PDCD6IP: variants seen among roughly 807,000 people sequenced by gnomAD.
The protein encoded by PDCD6IP is programmed cell death 6 interacting protein.
PDCD6IP carries 43 observed loss-of-function variants against 103.7 expected under a neutral mutation model. That is an observed-to-expected ratio of 0.41 (90% confidence interval 0.32 to 0.53). The LOEUF (loss-of-function observed/expected upper bound fraction) is 0.53, where lower values mean the gene tolerates loss of function less well. Among genes scored for constraint, PDCD6IP ranks in the 20% least tolerant of loss-of-function variants. PDCD6IP has a pLI of 0.16. For missense variants in PDCD6IP, 871 were observed against 1,036.7 expected (o/e 0.84, Z 2.20); for synonymous variants, 354 against 378.7 (o/e 0.93, Z 0.76).
rs1698084838 is a variant in PDCD6IP, at chr3:33,867,180, T to C, written c.*655T>C. On this transcript the variant is annotated 3_prime_UTR_variant, in exon 18 of 18. Coordinates refer to ENST00000307296, the MANE Select transcript of PDCD6IP (RefSeq NM_013374.6). ...AAATCAAAAGAATATTATCATACTT[T>C]ATCTTTCGTATGCTGATTAGTAAAC... 1 of 152,214 alleles carries C rather than the reference T, an allele frequency of 6.6e-6. No homozygotes were observed. Among genetic ancestry groups the C allele is most frequent in the Admixed American group, 6.5e-5 (1 of 15,280 alleles). The allele number at this position is 152,214 out of a possible 1,614,324, so 9.4% of individuals were successfully genotyped here.
intron 1 of PDCD6IP, among the ~76,000 whole-genome samples, chr3:33,809,649 T>G (rs146613132): frequency 1.3e-5 from 2 of 152,370 alleles, no homozygotes; most frequent in East Asian, 3.9e-4. Flanking sequence ...TACCATTTAA[T>G]CTGTAGAATT....
intron 12 of PDCD6IP, among the ~76,000 whole-genome samples, chr3:33,847,337 A>C (rs1437770505): frequency 6.6e-6 from 1 of 152,204 alleles, no homozygotes; most frequent in East Asian, 1.9e-4. Context: ...ATTAATCCTT[A>C]CTTGTGTTAC....
Position 33,852,456 on chromosome 3 carries a change from TGCAGTTAAACTAAGG to T in PDCD6IP, c.1642-31_1642-17del. ...AATTGGCTTTTTTTTTTTTTTTTTT[TGCAGTTAAACTAAGG>T]TGTCTTTTTTGTTTAGGTTGTAAAT... is the stretch of plus-strand genomic sequence containing the variant. On this transcript the variant is annotated splice_polypyrimidine_tract_variant and intron_variant, in intron 12 of 17. Coordinates refer to ENST00000307296, the MANE Select transcript of PDCD6IP (RefSeq NM_013374.6). The T allele has an allele frequency of 7.6e-7, 1 of 1,316,212 alleles. No homozygotes were observed. Among genetic ancestry groups the T allele is most frequent in the Non-Finnish European group, 9.9e-7 (1 of 1,014,668 alleles). 81.5% of individuals were successfully genotyped at this position (1,316,212 alleles called of 1,614,324 possible).
intron 3 of PDCD6IP, among the ~76,000 whole-genome samples, chr3:33,821,119 G>A (rs1227772396): frequency 6.6e-6 from 1 of 151,808 alleles, no homozygotes; most frequent in Non-Finnish European, 1.5e-5. Flanking sequence ...TGGTCCTCCC[G>A]CCTCCGAGTA....
At chr3:33,811,762 CTTAT>C (rs1011590073) in intron 1 of PDCD6IP, among the ~76,000 whole-genome samples, 1 of 152,152 alleles carries the variant, frequency 6.6e-6, no homozygotes, top group Admixed American at 6.5e-5. Context: ...TGGATACAAA[CTTAT>C]TTATTTTAGT....
chr3:33,854,034 G>T (rs1697776914), intron 14 of PDCD6IP, 21 bp downstream of exon 14: 3 of 1,555,472 alleles, frequency 1.9e-6, no homozygotes, highest in Non-Finnish European at 2.6e-6. Flanking sequence ...CATGCAAAAG[G>T]AACCATAGCT....
intron 1 of PDCD6IP, chr3:33,799,147 G>T: frequency 1.7e-6 from 1 of 593,866 alleles, no homozygotes; most frequent in Non-Finnish European, 3.0e-6. Flanking sequence ...CTGCCTGCAC[G>T]TCTGCTCTAG....
chr3:33,822,476 CTGT>C (rs971009538), intron 4 of PDCD6IP, among the ~76,000 whole-genome samples: 11 of 152,172 alleles, frequency 7.2e-5, no homozygotes, highest in African/African-American at 2.6e-4. Flanking sequence ...TGAAATTTCA[CTGT>C]TGTTACAAAA....
intron 2 of PDCD6IP, 43 bp from the exon 3 acceptor site, chr3:33,813,516 C>A: frequency 8.4e-7 from 1 of 1,187,262 alleles, no homozygotes; most frequent in South Asian, 1.3e-5. Flanking sequence ...TAATGAGATT[C>A]AGGAAGGTTA....
At chr3:33,827,231 T>C (rs1395835582) in intron 6 of PDCD6IP, 2 of 967,240 alleles carry the variant, frequency 2.1e-6, no homozygotes, top group African/African-American at 3.5e-5. Context: ...ACTAGTAAAT[T>C]TGGAATGATT....
At chr3:33,836,287 C>CA in intron 8 of PDCD6IP, 21 bp downstream of exon 8, 1 of 1,336,474 alleles carries the variant, frequency 7.5e-7, no homozygotes, top group African/African-American at 1.4e-5. Context: ...TATTCAGACA[C>CA]ACTTTAATCT....
chr3:33,799,024 T>G, intron 1 of PDCD6IP, 87 bp downstream of exon 1: 1 of 1,253,178 alleles, frequency 8.0e-7, no homozygotes. Context: ...TTCAATCCTG[T>G]AACCTGGGCG....
intron 7 of PDCD6IP, among the ~76,000 whole-genome samples, chr3:33,834,101 TC>T (rs1454260666): frequency 1.3e-5 from 2 of 152,204 alleles, no homozygotes; most frequent in African/African-American, 4.8e-5. Flanking sequence ...GTTCTCTCTT[TC>T]TGCTCCCCCT....
intron 4 of PDCD6IP, among the ~76,000 whole-genome samples, chr3:33,822,809 C>T (rs905005070): frequency 3.9e-5 from 6 of 152,066 alleles, no homozygotes; most frequent in African/African-American, 1.5e-4. Context: ...GCATCCGCCA[C>T]CTCGCCTGGC....
chr3:33,813,660 A>G (rs759484252), intron 3 of PDCD6IP, 32 bp downstream of exon 3: 8 of 1,276,868 alleles, frequency 6.3e-6, no homozygotes, highest in Admixed American at 1.7e-5. Flanking sequence ...TGATAGGAAA[A>G]TTGGTCTAAC....
chr3:33,808,134 T>C (rs1157237807), intron 1 of PDCD6IP, among the ~76,000 whole-genome samples: 3 of 152,234 alleles, frequency 2.0e-5, no homozygotes, highest in Non-Finnish European at 2.9e-5. Context: ...TTTCATGGAA[T>C]TTAGAATCCT....
At chr3:33,830,527 A>G (rs899966965) in intron 7 of PDCD6IP, among the ~76,000 whole-genome samples, 6 of 152,182 alleles carry the variant, frequency 3.9e-5, no homozygotes, top group African/African-American at 9.7e-5. Context: ...ACTTTTCCTC[A>G]GTTATAGACA....
intron 11 of PDCD6IP, among the ~76,000 whole-genome samples, chr3:33,844,747 A>G (rs1324423090): frequency 6.6e-6 from 1 of 152,112 alleles, no homozygotes; most frequent in East Asian, 1.9e-4. Context: ...TCCCAAAGTG[A>G]TGAGATTACA....
At chr3:33,834,585 C>A (rs1169163266) in intron 7 of PDCD6IP, among the ~76,000 whole-genome samples, 2 of 152,062 alleles carry the variant, frequency 1.3e-5, no homozygotes, top group African/African-American at 4.8e-5. Flanking sequence ...ACTATAATTT[C>A]TATTTTACGA....
Sources: gnomAD v4.1 joint callset for allele counts (sites outside exome capture counted in the v4.1 genomes callset) on GRCh38, gnomAD v4.1.1 for gene constraint, MANE v1.5 for transcripts, NCBI Gene and HGNC (gene_info 2026-07-23, HGNC 2026-07-21) for gene names.